The following PET100 variants were observed in gnomAD, a reference collection of about 807,000 sequenced individuals.
PET100 encodes PET100 cytochrome c oxidase chaperone, also known as protein PET100 homolog, mitochondrial.
In PET100, 13 loss-of-function variants were observed where a neutral mutation model predicts 13.6. The observed-to-expected ratio is 0.96, with a 90% CI of 0.62 to 1.52. PET100 has a LOEUF of 1.52. PET100 is among the 40% of genes most tolerant of loss of function. The pLI is 0.00. For missense variants in PET100, 94 were observed against 95.3 expected (o/e 0.99, Z 0.06); for synonymous variants, 28 against 30.8 (o/e 0.91, Z 0.30).
chr19:7,631,769 G>A lies in PET100; in HGVS notation c.*213G>A, dbSNP rs141611388. 2.5e-5 allele frequency: 35 copies of A among 1,421,704 alleles called. No homozygotes were observed. The highest frequency in any genetic ancestry group is 3.0e-5 in the Non-Finnish European group (32 of 1,083,898). 88.1% of individuals were successfully genotyped at this position (1,421,704 alleles called of 1,614,324 possible). ...GTCGGGTCCTGAGGGGTGAGCAGGG[G>A]TTGGGGACTGAGGGTCCCAGCTCGT... is the stretch of plus-strand genomic sequence containing the variant. On this transcript the variant is annotated 3_prime_UTR_variant, in exon 4 of 4. Coordinates refer to ENST00000594797, the MANE Select transcript of PET100 (RefSeq NM_001171155.2).
chr19:7,629,802 CG>C lies in PET100; in HGVS notation c.-30del. The C allele has an allele frequency of 6.5e-7, 1 of 1,536,866 alleles. No homozygotes were observed. The highest frequency in any genetic ancestry group is 8.7e-7 in the Non-Finnish European group (1 of 1,146,802). ...GTCTTGCTGGAGGGTCGGCTTTGGGCGGAACTGGCTTTGTTGACCGGGAGAA... is the reference window on the plus strand; with the variant it reads ...GTCTTGCTGGAGGGTCGGCTTTGGGCGAACTGGCTTTGTTGACCGGGAGAA... On this transcript the variant is annotated 5_prime_UTR_variant, in exon 1 of 4. Transcript: ENST00000594797.
chr19:7,631,450 C>T, intron 3 of PET100, 23 bp from the exon 4 acceptor site: 8 of 1,527,932 alleles, frequency 5.2e-6, no homozygotes, highest in Non-Finnish European at 6.1e-6. Flanking sequence ...CCCTTCCTGT[C>T]CCACCCGCTT....
intron 1 of PET100, 43 bp downstream of exon 1, chr19:7,629,903 C>A: frequency 1.3e-6 from 2 of 1,489,590 alleles, no homozygotes; most frequent in African/African-American, 2.8e-5. Flanking sequence ...GGCAGGGGAT[C>A]TTCCTGGATC....
chr19:7,631,769 G>T lies in PET100; in HGVS notation c.*213G>T, dbSNP rs141611388. On this transcript the variant is annotated 3_prime_UTR_variant, in exon 4 of 4. Transcript: ENST00000594797. ...GTCGGGTCCTGAGGGGTGAGCAGGG[G>T]TTGGGGACTGAGGGTCCCAGCTCGT... The T allele has an allele frequency of 9.1e-5, 130 of 1,421,820 alleles. 1 individual carries two copies. In the East Asian group the frequency reaches 1.3e-3, roughly 14 times the overall value. The allele number at this position is 1,421,820 out of a possible 1,614,324, so 88.1% of individuals were successfully genotyped here.
intron 1 of PET100, chr19:7,630,120 G>A (rs1230474801): frequency 8.2e-6 from 4 of 489,646 alleles, no homozygotes; most frequent in Non-Finnish European, 1.4e-5. Context: ...AGCTGAGAAG[G>A]GGGCTCTAAA....
rs2031323397 is a variant in PET100 at position 7,631,847 on chromosome 19, G to A, written c.*291G>A. 1.4e-6 allele frequency: 2 copies of A among 1,379,756 alleles called. No homozygotes were observed. The highest frequency in any genetic ancestry group is 1.5e-5 in the African/African-American group (1 of 67,562). 85.5% of individuals were successfully genotyped at this position (1,379,756 alleles called of 1,614,324 possible). On this transcript the variant is annotated 3_prime_UTR_variant, in exon 4 of 4. Transcript: ENST00000594797. ...GGGGTCAGCCAGGGGGAGGGCTCAAGGGCAGTGCCGGCCACAGGTGGCGAA... is the reference window on the plus strand; with the variant it reads ...GGGGTCAGCCAGGGGGAGGGCTCAAAGGCAGTGCCGGCCACAGGTGGCGAA...
Position 7,631,458 on chromosome 19 carries a change from C to G in PET100, c.139-15C>G, listed in dbSNP as rs1057522294. 1.3e-6 allele frequency: 2 copies of G among 1,533,140 alleles called. No homozygotes were observed. The highest frequency in any genetic ancestry group is 2.5e-5 in the East Asian group (1 of 40,750). The allele number at this position is 1,533,140 out of a possible 1,614,324, so 95.0% of individuals were successfully genotyped here. A position where few individuals can be genotyped will look rare whatever the true frequency, so the allele number is the denominator to read the frequency against. ...CCCTCCCCCCTTCCTGTCCCACCCG[C>G]TTCTCCACCCCTAGCTTCAAGAGAT... On this transcript the variant is annotated splice_polypyrimidine_tract_variant and intron_variant, in intron 3 of 3. Coordinates refer to ENST00000594797, the MANE Select transcript of PET100 (RefSeq NM_001171155.2).
At position 7,631,716 on chromosome 19, in the gene PET100, G is replaced by A; in HGVS notation, c.*160G>A. On this transcript the variant is annotated 3_prime_UTR_variant, in exon 4 of 4. Transcript: ENST00000594797. ...AGGGGGCTTGTGTCGGGGGCTGGGG[G>A]CTGCTGTTCCGACGGAAGCCGAGAG... 5.5e-6 allele frequency: 8 copies of A among 1,450,632 alleles called. No homozygotes were observed. The highest frequency in any genetic ancestry group is 7.3e-6 in the Non-Finnish European group (8 of 1,100,502). The allele number at this position is 1,450,632 out of a possible 1,614,324, so 89.9% of individuals were successfully genotyped here.
At position 7,631,643 on chromosome 19, in the gene PET100, T is replaced by C. The variant is rs1568457988; in HGVS notation, c.*87T>C. ...TTATTCATTTAAGTGTTTTATTCTTTTATCAGTTTTTGGGGGCCGAGTGAG... is the reference window on the plus strand; with the variant it reads ...TTATTCATTTAAGTGTTTTATTCTTCTATCAGTTTTTGGGGGCCGAGTGAG... On this transcript the variant is annotated 3_prime_UTR_variant, in exon 4 of 4. Coordinates refer to ENST00000594797, the MANE Select transcript of PET100 (RefSeq NM_001171155.2). The C allele has an allele frequency of 1.4e-6, 2 of 1,453,642 alleles. No individual in the cohort carries two copies. The highest frequency in any genetic ancestry group is 9.1e-7 in the Non-Finnish European group (1 of 1,101,092). 90.0% of individuals were successfully genotyped at this position (1,453,642 alleles called of 1,614,324 possible).
At position 7,631,513 on chromosome 19, in the gene PET100, G is replaced by C. The variant is rs779243533; in HGVS notation, c.179G>C (p.Arg60Pro). 2.0e-6 allele frequency: 3 copies of C among 1,536,104 alleles called. No individual in the cohort carries two copies. Among genetic ancestry groups the C allele is most frequent in the African/African-American group, 2.7e-5 (2 of 73,012 alleles). ...GAATTCAAAGAGAGGTTACGGAAGC[G>C]GCGGGAGGAGAAGCTCCTTCGCGAC... ...IEEFKERLRK[R>P]REEKLLRDAQ... Residue 60 changes from arginine (R) to proline (P), a missense_variant, in exon 4 of 4, where the codon CGG becomes CCG. Coordinates refer to ENST00000594797, the MANE Select transcript of PET100 (RefSeq NM_001171155.2).
intron 2 of PET100, 64 bp from the exon 3 acceptor site, chr19:7,630,759 C>G (rs1043164752): frequency 4.6e-6 from 7 of 1,536,324 alleles, no homozygotes; most frequent in Admixed American, 2.0e-5. Context: ...ATAAGCCGAC[C>G]CTGCCCTGAT....
chr19:7,631,736 CG>C lies in PET100; in HGVS notation c.*181del. ...TGGGGGCTGCTGTTCCGACGGAAGCCGAGAGCGGTCGGGTCCTGAGGGGTGA... is the reference window on the plus strand; with the variant it reads ...TGGGGGCTGCTGTTCCGACGGAAGCCAGAGCGGTCGGGTCCTGAGGGGTGA... On this transcript the variant is annotated 3_prime_UTR_variant, in exon 4 of 4. Transcript: ENST00000594797. 4 of 1,440,256 alleles carry C rather than the reference CG, an allele frequency of 2.8e-6. No homozygotes were observed. Among genetic ancestry groups the C allele is most frequent in the Non-Finnish European group, 3.7e-6 (4 of 1,093,812 alleles). The allele number at this position is 1,440,256 out of a possible 1,614,324, so 89.2% of individuals were successfully genotyped here. A position where few individuals can be genotyped will look rare whatever the true frequency, so the allele number is the denominator to read the frequency against.
At chr19:7,631,173 C>T (rs1335801940) in intron 3 of PET100, 3 of 1,196,624 alleles carry the variant, frequency 2.5e-6, no homozygotes, top group East Asian at 5.5e-5. Flanking sequence ...CACGCCACTG[C>T]ACTCCAGCCT....
At chr19:7,630,536 G>A (rs2031256216) in intron 1 of PET100, 37 bp from the exon 2 acceptor site, 3 of 1,465,136 alleles carry the variant, frequency 2.0e-6, no homozygotes, top group African/African-American at 1.4e-5. Flanking sequence ...CACATTGCTT[G>A]GGGGGAGCTC....
rs957268403 is a variant in PET100 at position 7,629,865 on chromosome 19, G to A, written c.27+5G>A. The A allele has an allele frequency of 6.5e-7, 1 of 1,533,226 alleles. No individual in the cohort carries two copies. Among genetic ancestry groups the A allele is most frequent in the African/African-American group, 1.4e-5 (1 of 72,914 alleles). 95.0% of individuals were successfully genotyped at this position (1,533,226 alleles called of 1,614,324 possible). A position where few individuals can be genotyped will look rare whatever the true frequency, so the allele number is the denominator to read the frequency against. ...GTGAAGCTGGAGATATTTCGGGTCA[G>A]TGGACACAGGAGTGGGTTGGGAGGC... On this transcript the variant is annotated splice_donor_5th_base_variant and intron_variant, in intron 1 of 3. Transcript: ENST00000594797.
chr19:7,630,746 C>T, intron 2 of PET100, 77 bp from the exon 3 acceptor site: 1 of 1,534,868 alleles, frequency 6.5e-7, no homozygotes, highest in Non-Finnish European at 8.7e-7. Flanking sequence ...ATGTCTGCCT[C>T]CCATAAGCCG....
In PET100 at chr19:7,631,720, C is replaced by A; in HGVS notation, c.*164C>A. ...GGCTTGTGTCGGGGGCTGGGGGCTG[C>A]TGTTCCGACGGAAGCCGAGAGCGGT... On this transcript the variant is annotated 3_prime_UTR_variant, in exon 4 of 4. Transcript: ENST00000594797. 1.4e-6 allele frequency: 2 copies of A among 1,447,838 alleles called. No individual in the cohort carries two copies. The highest frequency in any genetic ancestry group is 9.1e-7 in the Non-Finnish European group (1 of 1,098,544). The allele number at this position is 1,447,838 out of a possible 1,614,324, so 89.7% of individuals were successfully genotyped here.
intron 3 of PET100, 78 bp from the exon 4 acceptor site, chr19:7,631,395 T>A: frequency 2.2e-5 from 7 of 318,040 alleles, no homozygotes; most frequent in Non-Finnish European, 3.5e-5. Flanking sequence ...GTGGGAGAGG[T>A]GGGCGGGGGG....
intron 3 of PET100, 62 bp from the exon 4 acceptor site, chr19:7,631,411 G>GGC: frequency 1.1e-6 from 1 of 886,150 alleles, no homozygotes; most frequent in Non-Finnish European, 1.7e-6. Context: ...GGGGGGGGTG[G>GGC]TCCCGGCTCT....
Sources: allele counts gnomAD v4.1 joint callset, GRCh38; gene constraint gnomAD v4.1.1; transcripts MANE v1.5; gene names NCBI Gene and HGNC (gene_info 2026-07-23, HGNC 2026-07-21).